SORCS2: variants seen among roughly 807,000 people sequenced by gnomAD.
SORCS2 encodes the protein VPS10 domain-containing receptor SorCS2.
Under a neutral mutation model 141.6 loss-of-function variants are expected in SORCS2, and 100 were observed. That is an observed-to-expected ratio of 0.71 (90% CI 0.60 to 0.83). The LOEUF is 0.83. Ranked by LOEUF, SORCS2 falls within the 40% of genes least tolerant of loss-of-function variation. SORCS2 has a pLI of 0.00. For missense variants in SORCS2, 1,646 were observed against 1,560.2 expected (o/e 1.05, Z -0.93); for synonymous variants, 789 against 676.9 (o/e 1.17, Z -2.57).
Position 7,726,899 on chromosome 4 carries a change from G to T in SORCS2, c.2865G>T (p.Val955=). The change falls in exon 21 of 27, where the codon GTG becomes GTT. Residue 955 remains valine, a synonymous_variant. Coordinates refer to ENST00000507866, the MANE Select transcript of SORCS2 (RefSeq NM_020777.3). ...SVLQDSRVLR[V]LDQFQVMPLQ... ...TGCAGGACTCCAGGGTCCTCCGTGT[G>T]CTGGGTAAGTACTTCCTGGGGTCTG... 1 of 1,612,988 alleles carries T rather than the reference G, an allele frequency of 6.2e-7. No individual in the cohort carries two copies. Among genetic ancestry groups the T allele is most frequent in the Non-Finnish European group, 8.5e-7 (1 of 1,179,218 alleles).
Position 7,286,183 on chromosome 4 carries a change from T to C in SORCS2, c.480+93057T>C, listed in dbSNP as rs1716210059. On this transcript the variant is annotated intron_variant, in intron 1 of 26. Transcript: ENST00000507866. This position sits in a 1 kb window ranked among gnomAD's most constrained non-coding sequence, Gnocchi z 4.1. ...GTCTCCAGCTGGGTCTCCAGGCCTG[T>C]GCCGGTCCTCACTGCACGACTCGGA... Among the ~76,000 whole-genome samples, 2 of 152,216 alleles carry C rather than the reference T, an allele frequency of 1.3e-5. No individual in the cohort carries two copies.
At position 7,233,540 on chromosome 4, in the gene SORCS2, G is replaced by A. The variant is rs1712053646; in HGVS notation, c.480+40414G>A. ...CTGGGTTCAGGGTGAGCAGACACTG[G>A]CAGCTGTGGTGGTGGGTGGACGGGG... On this transcript the variant is annotated intron_variant, in intron 1 of 26. Coordinates refer to ENST00000507866, the MANE Select transcript of SORCS2 (RefSeq NM_020777.3). This position sits in a 1 kb window ranked among gnomAD's most constrained non-coding sequence, Gnocchi z 4.5. Among the ~76,000 whole-genome samples the A allele has an allele frequency of 1.3e-5, 2 of 152,218 alleles. No homozygotes were observed. Among genetic ancestry groups the A allele is most frequent in the African/African-American group, 4.8e-5 (2 of 41,452 alleles).
At chr4:7,309,886 A>G (rs1718075711) in intron 1 of SORCS2, among the ~76,000 whole-genome samples, 2 of 152,270 alleles carry the variant, frequency 1.3e-5, no homozygotes, top group East Asian at 3.9e-4. Context: ...ATGTTCTGCG[A>G]GCTTATGCCC....
chr4:7,438,519 C>T (rs1727450052), intron 2 of SORCS2, among the ~76,000 whole-genome samples: 1 of 152,240 alleles, frequency 6.6e-6, no homozygotes, highest in Non-Finnish European at 1.5e-5. Context: ...TATTTGCGCA[C>T]CTGCCCATCA....
In SORCS2 at chr4:7,193,830, A is replaced by G. The variant is rs930483664; in HGVS notation, c.480+704A>G. Among the ~76,000 whole-genome samples, 2 of 151,438 alleles carry G rather than the reference A, an allele frequency of 1.3e-5. No homozygotes were observed. The highest frequency in any genetic ancestry group is 4.9e-5 in the African/African-American group (2 of 41,148). On this transcript the variant is annotated intron_variant, in intron 1 of 26. Coordinates refer to ENST00000507866, the MANE Select transcript of SORCS2 (RefSeq NM_020777.3). The surrounding 1 kb of genome is among the most constrained non-coding windows in gnomAD (Gnocchi z 4.8). Reference sequence around the variant, plus strand: ...CTGCCCTCCCCCCACCTTCCCGGCTACTCTGGCTTTGCTCCAGCTGGAAGT... The same window carrying G: ...CTGCCCTCCCCCCACCTTCCCGGCTGCTCTGGCTTTGCTCCAGCTGGAAGT...
intron 1 of SORCS2, among the ~76,000 whole-genome samples, chr4:7,274,038 AAC>A (rs1258455005): frequency 6.6e-6 from 1 of 152,184 alleles, no homozygotes; most frequent in Non-Finnish European, 1.5e-5. Flanking sequence ...TAGGTTTGCA[AAC>A]ACATGTGGAT....
rs1338704936 is a variant in SORCS2 at position 7,613,607 on chromosome 4, C to G, written c.649-24721C>G. ...AAGCACATGCACCTCACATGGCTCA[C>G]CAAGAATGACCCGTGGAGACACTGC... On this transcript the variant is annotated intron_variant, in intron 3 of 26. Transcript: ENST00000507866. 3.3e-5 allele frequency among the ~76,000 whole-genome samples: 5 copies of G among 152,154 alleles called. No individual in the cohort carries two copies. The East Asian group carries it at 7.7e-4, about 23-fold the overall frequency.
In SORCS2 at chr4:7,433,502, C is replaced by T. The variant is rs1271320393; in HGVS notation, c.548+37147C>T. ...GCCCCCACCTTCTTGCACACAGCCA[C>T]GGGGTCCATCATGTCCTTGAGACTC... On this transcript the variant is annotated intron_variant, in intron 2 of 26. Coordinates refer to ENST00000507866, the MANE Select transcript of SORCS2 (RefSeq NM_020777.3). The T allele has an allele frequency of 1.7e-5, 27 of 1,601,676 alleles. No homozygotes were observed. Among genetic ancestry groups the T allele is most frequent in the Admixed American group, 3.4e-5 (2 of 58,592 alleles).
intron 2 of SORCS2, among the ~76,000 whole-genome samples, chr4:7,475,842 C>T (rs1730259576): frequency 1.3e-5 from 2 of 152,240 alleles, no homozygotes; most frequent in Admixed American, 6.5e-5. Flanking sequence ...AGAATGCACT[C>T]AGGCCAGGCC....
chr4:7,653,707 C>T (rs373319228), intron 4 of SORCS2, among the ~76,000 whole-genome samples: 19 of 152,314 alleles, frequency 1.2e-4, no homozygotes, highest in Middle Eastern at 3.4e-3. Flanking sequence ...CTGACCCCTG[C>T]GGTAGATGCC....
rs1560468445 is a variant in SORCS2, at chr4:7,667,120, T to G, written c.1072-4T>G. Reference sequence around the variant, plus strand: ...CTCAAAAATGTGTTTCTTCCCCCGGTTAGGCAACATCAGCAAACCAGACAA... The same window carrying G: ...CTCAAAAATGTGTTTCTTCCCCCGGGTAGGCAACATCAGCAAACCAGACAA... On this transcript the variant is annotated splice_region_variant and splice_polypyrimidine_tract_variant and intron_variant, in intron 7 of 26. Coordinates refer to ENST00000507866, the MANE Select transcript of SORCS2 (RefSeq NM_020777.3). 7 of 1,611,846 alleles carry G rather than the reference T, an allele frequency of 4.3e-6. No individual in the cohort carries two copies. Among genetic ancestry groups the G allele is most frequent in the Non-Finnish European group, 5.1e-6 (6 of 1,178,046 alleles).
chr4:7,397,006 C>A (rs1724255044), intron 2 of SORCS2, among the ~76,000 whole-genome samples: 1 of 152,206 alleles, frequency 6.6e-6, no homozygotes, highest in Non-Finnish European at 1.5e-5. Flanking sequence ...GCTGTGGTTT[C>A]AAAGCTTTTC....
intron 1 of SORCS2, among the ~76,000 whole-genome samples, chr4:7,210,153 C>T (rs959850338): frequency 2.2e-4 from 34 of 152,324 alleles, no homozygotes; most frequent in Non-Finnish European, 4.1e-4. Context: ...CGTCATCAGC[C>T]TTGTGTGGGG....
intron 1 of SORCS2, among the ~76,000 whole-genome samples, chr4:7,304,365 T>A (rs1717642526): frequency 6.6e-6 from 1 of 152,190 alleles, no homozygotes; most frequent in African/African-American, 2.4e-5. Context: ...CTTCCCTCCC[T>A]CTTTCCTGCC....
chr4:7,589,324 A>G (rs1237706406), intron 3 of SORCS2, among the ~76,000 whole-genome samples: 1 of 152,182 alleles, frequency 6.6e-6, no homozygotes, highest in Non-Finnish European at 1.5e-5. Context: ...GTTGTTAGCG[A>G]TGATACCAAC....
chr4:7,318,133 C>T (rs985099939), intron 1 of SORCS2, among the ~76,000 whole-genome samples: 7 of 152,126 alleles, frequency 4.6e-5, no homozygotes, highest in African/African-American at 1.2e-4. Flanking sequence ...CACACTTTGG[C>T]GGCCATTTTG....
At chr4:7,270,970 A>T (rs759154354) in intron 1 of SORCS2, among the ~76,000 whole-genome samples, 3 of 152,206 alleles carry the variant, frequency 2.0e-5, no homozygotes, top group Non-Finnish European at 4.4e-5. Context: ...CCCATGCTTG[A>T]TGCTGCTGTA....
intron 23 of SORCS2, among the ~76,000 whole-genome samples, chr4:7,731,657 C>T (rs571564222): frequency 1.3e-5 from 2 of 152,276 alleles, no homozygotes; most frequent in African/African-American, 4.8e-5. Flanking sequence ...GAAATAAATC[C>T]ATACATGTAC....
chr4:7,664,967 C>T lies in SORCS2; in HGVS notation c.1071+496C>T, dbSNP rs1722412527. Among the ~76,000 whole-genome samples the T allele has an allele frequency of 6.6e-6, 1 of 152,196 alleles. No individual in the cohort carries two copies. Among genetic ancestry groups the T allele is most frequent in the South Asian group, 2.1e-4 (1 of 4,828 alleles). ...ACCAATCCATCCAGCTTTTCTTCAC[C>T]TTCATGGATGGGGAGCTCAGCCCTC... On this transcript the variant is annotated intron_variant, in intron 7 of 26. Coordinates refer to ENST00000507866, the MANE Select transcript of SORCS2 (RefSeq NM_020777.3). The surrounding 1 kb of genome is among the most constrained non-coding windows in gnomAD (Gnocchi z 4.7).
Sources: gnomAD v4.1 joint callset for allele counts (sites outside exome capture counted in the v4.1 genomes callset) on GRCh38, gnomAD v4.1.1 for gene constraint, Gnocchi (gnomAD v3.1) non-coding constraint, MANE v1.5 for transcripts, NCBI Gene and HGNC (gene_info 2026-07-23, HGNC 2026-07-21) for gene names.